CYTIP: variants seen among roughly 807,000 people sequenced by gnomAD.
The protein encoded by CYTIP is cytohesin-interacting protein.
CYTIP carries 26 observed loss-of-function variants against 43.8 expected under a neutral mutation model. That is an observed-to-expected ratio of 0.59 (90% CI 0.44 to 0.82). The LOEUF (loss-of-function observed/expected upper bound fraction) is 0.82. Ranked by LOEUF, CYTIP falls within the 40% of genes least tolerant of loss-of-function variation. The pLI is 0.00. For missense variants in CYTIP, 426 were observed against 443.1 expected, an observed-to-expected ratio of 0.96 and a Z score of 0.35; for synonymous variants, 162 against 162.9, an observed-to-expected ratio of 0.99 and a Z score of 0.04.
chr2:157,441,861 C>T (rs1161602234), intron 1 of CYTIP, among the ~76,000 whole-genome samples: 1 of 152,206 alleles, frequency 6.6e-6, no homozygotes, highest in Non-Finnish European at 1.5e-5. Flanking sequence ...CACCACTAGT[C>T]TCTACTCACT....
intron 6 of CYTIP, among the ~76,000 whole-genome samples, chr2:157,423,930 G>T (rs1295691104): frequency 3.3e-5 from 5 of 152,116 alleles, no homozygotes; most frequent in African/African-American, 1.2e-4. Flanking sequence ...AAAAGTATTT[G>T]ATAAAGTTTA....
chr2:157,424,507 C>T (rs1384635314), intron 6 of CYTIP, among the ~76,000 whole-genome samples: 1 of 151,650 alleles, frequency 6.6e-6, no homozygotes, highest in African/African-American at 2.4e-5. Flanking sequence ...GATGTTGTTT[C>T]CTCAAATTGA....
chr2:157,417,955 C>T (rs1685463005), intron 7 of CYTIP, among the ~76,000 whole-genome samples: 1 of 152,206 alleles, frequency 6.6e-6, no homozygotes. Flanking sequence ...AGCGAATTAA[C>T]ACATTTTAAA....
intron 6 of CYTIP, 85 bp downstream of exon 6, chr2:157,427,266 A>G (rs1464032518): frequency 6.6e-6 from 7 of 1,055,144 alleles, no homozygotes; most frequent in Middle Eastern, 2.2e-4. Flanking sequence ...TTCAAGGGCT[A>G]TCTCAGTTCC....
chr2:157,434,630 A>G, intron 2 of CYTIP, 68 bp downstream of exon 2: 1 of 1,244,928 alleles, frequency 8.0e-7, no homozygotes, highest in Non-Finnish European at 1.2e-6. Context: ...AGAGAGAGGA[A>G]AAAACAGTCT....
intron 3 of CYTIP, among the ~76,000 whole-genome samples, chr2:157,431,844 TC>T (rs1376537569): frequency 6.6e-6 from 1 of 152,172 alleles, no homozygotes; most frequent in Non-Finnish European, 1.5e-5. Context: ...TGTCTGATGT[TC>T]ATTCTTTCTT....
intron 6 of CYTIP, among the ~76,000 whole-genome samples, chr2:157,424,213 TAG>T (rs749825102): frequency 2.6e-5 from 4 of 152,192 alleles, no homozygotes; most frequent in Admixed American, 6.5e-5. Context: ...GATAATTCAT[TAG>T]AGTTATTAGA....
chr2:157,416,178 T>C (rs2105130201), intron 7 of CYTIP, 35 bp from the exon 8 acceptor site: 2 of 1,492,904 alleles, frequency 1.3e-6, no homozygotes, highest in Middle Eastern at 1.8e-4. Flanking sequence ...ATGGATCTGT[T>C]CATTACTCCC....
intron 6 of CYTIP, 124 bp downstream of exon 6, chr2:157,427,227 G>A: frequency 1.4e-6 from 1 of 734,916 alleles, no homozygotes; most frequent in East Asian, 2.8e-5. Flanking sequence ...TGATAATTCA[G>A]CAGTTTAGAT....
At chr2:157,418,960 G>C (rs111960590) in intron 6 of CYTIP, among the ~76,000 whole-genome samples, 4 of 152,296 alleles carry the variant, frequency 2.6e-5, no homozygotes, top group African/African-American at 9.6e-5. Flanking sequence ...CAATAATAGA[G>C]CCTAAACCCC....
At chr2:157,433,580 T>A (rs1052463434) in intron 3 of CYTIP, among the ~76,000 whole-genome samples, 1 of 151,896 alleles carries the variant, frequency 6.6e-6, no homozygotes, top group South Asian at 2.1e-4. Flanking sequence ...CCAAAAGACA[T>A]GCAAACGTAC....
intron 6 of CYTIP, among the ~76,000 whole-genome samples, chr2:157,422,545 C>A (rs1039676770): frequency 6.6e-6 from 1 of 151,758 alleles, no homozygotes; most frequent in Non-Finnish European, 1.5e-5. Flanking sequence ...TGGCAGGTGC[C>A]TGTAATCCCA....
intron 7 of CYTIP, 29 bp downstream of exon 7, chr2:157,418,494 G>A (rs551932976): frequency 1.3e-6 from 2 of 1,564,572 alleles, no homozygotes; most frequent in Admixed American, 1.9e-5. Flanking sequence ...TAATGTTAGT[G>A]TGGTTTCTGA....
Position 157,418,548 on chromosome 2 carries a change from C to T in CYTIP, c.588G>A (p.Gln196=). 1 of 1,593,190 alleles carries T rather than the reference C, an allele frequency of 6.3e-7. No homozygotes were observed. The highest frequency in any genetic ancestry group is 8.5e-7 in the Non-Finnish European group (1 of 1,170,726). The change falls in exon 7 of 8, where the codon CAG becomes CAA. Residue 196 remains glutamine, a synonymous_variant. Coordinates refer to ENST00000264192, the MANE Select transcript of CYTIP (RefSeq NM_004288.5). ...CATGAAGCAGACGATGTTCCTGTAA[C>T]TGCAGAGATCTGTACTCCACCCATT... ...KQKWVEYRSL[Q]LQEHRLLHGD...
intron 1 of CYTIP, among the ~76,000 whole-genome samples, chr2:157,436,789 A>G (rs1250618247): frequency 6.6e-6 from 1 of 152,182 alleles, no homozygotes; most frequent in Non-Finnish European, 1.5e-5. Context: ...ATAAACTACT[A>G]AACGAAAATG....
intron 6 of CYTIP, among the ~76,000 whole-genome samples, chr2:157,426,180 T>C (rs542601627): frequency 3.3e-5 from 5 of 152,094 alleles, no homozygotes; most frequent in South Asian, 2.1e-4. Context: ...TAATAAATGA[T>C]ATGTAAAAAT....
At chr2:157,434,849 TCACACACACACA>T (rs1214076041) in intron 1 of CYTIP, 102 bp from the exon 2 acceptor site, 15 of 48,726 alleles carry the variant, frequency 3.1e-4, no homozygotes, top group African/African-American at 1.1e-3. Context: ...TCTCTCTCTC[TCACACACACACA>T]CACACACACA....
At chr2:157,424,261 T>G (rs903893252) in intron 6 of CYTIP, among the ~76,000 whole-genome samples, 1 of 152,194 alleles carries the variant, frequency 6.6e-6, no homozygotes, top group South Asian at 2.1e-4. Flanking sequence ...GCAAAGTGTT[T>G]GAATATAGTC....
In CYTIP at chr2:157,418,438, T is replaced by G; in HGVS notation, c.613+85A>C. 2 of 1,363,508 alleles carry G rather than the reference T, an allele frequency of 1.5e-6. 1 individual carries two copies. The highest frequency in any genetic ancestry group is 3.0e-5 in the African/African-American group (2 of 67,034). 84.5% of individuals were successfully genotyped at this position (1,363,508 alleles called of 1,614,324 possible). ...AGCACTAGACAAATTTTTCTTATAA[T>G]GATGATAATCTTAAACCAACTTTGA... On this transcript the variant is annotated intron_variant, in intron 7 of 7. Coordinates refer to ENST00000264192, the MANE Select transcript of CYTIP (RefSeq NM_004288.5).
Sources: allele counts gnomAD v4.1 joint callset (sites outside exome capture counted in the v4.1 genomes callset), GRCh38; gene constraint gnomAD v4.1.1; transcripts MANE v1.5; gene names NCBI Gene and HGNC (gene_info 2026-07-23, HGNC 2026-07-21).